Variants in SRFBP1 observed in about 807,000 individuals in gnomAD.
SRFBP1 encodes the protein serum response factor binding protein 1.
Under a neutral mutation model 45.5 loss-of-function variants are expected in SRFBP1, and 47 were observed. That is an observed-to-expected ratio of 1.03 (90% confidence interval 0.82 to 1.32). SRFBP1 has a LOEUF of 1.32. Ranked by LOEUF, SRFBP1 falls within the 40% of genes most tolerant of loss-of-function variation. The probability of loss-of-function intolerance (pLI) is 0.00; values close to 1 mark genes in which losing one functional copy is unlikely to be tolerated. For synonymous variants in SRFBP1, 203 were observed against 166.3 expected (o/e 1.22, Z -1.70); for missense variants, 621 against 484.6 (o/e 1.28, Z -2.64).
At chr5:122,042,069 T>C (rs1191396253) in intron 2 of SRFBP1, among the ~76,000 whole-genome samples, 12 of 152,198 alleles carry the variant, frequency 7.9e-5, no homozygotes, top group African/African-American at 2.9e-4. Context: ...TTTTTGTTGT[T>C]CTTTAAACAT....
chr5:121,985,287 A>G (rs1395490886), intron 3 of SRFBP1, among the ~76,000 whole-genome samples: 1 of 151,078 alleles, frequency 6.6e-6, no homozygotes, highest in Non-Finnish European at 1.5e-5. Context: ...AGGGTGAAAA[A>G]CTTTAATTTG....
At chr5:122,014,245 T>G (rs1434857397) in intron 4 of SRFBP1, among the ~76,000 whole-genome samples, 2 of 152,198 alleles carry the variant, frequency 1.3e-5, no homozygotes, top group African/African-American at 4.8e-5. Flanking sequence ...TAGCATTAAC[T>G]GTTATTCAGA....
At chr5:122,045,265 G>A (rs905886548) in intron 2 of SRFBP1, among the ~76,000 whole-genome samples, 1 of 152,162 alleles carries the variant, frequency 6.6e-6, no homozygotes, top group African/African-American at 2.4e-5. Flanking sequence ...TAGATCTGTA[G>A]TATAGTTTGA....
At chr5:121,976,877 A>T (rs562198763) in intron 3 of SRFBP1, among the ~76,000 whole-genome samples, 2 of 150,216 alleles carry the variant, frequency 1.3e-5, no homozygotes, top group African/African-American at 4.9e-5. Flanking sequence ...TATATATATA[A>T]AAAATATATA....
At chr5:122,024,151 A>G (rs1753419922) in intron 7 of SRFBP1, among the ~76,000 whole-genome samples, 2 of 152,196 alleles carry the variant, frequency 1.3e-5, no homozygotes, top group Admixed American at 6.5e-5. Flanking sequence ...TGCATTGTCA[A>G]GGACAGCCAG....
intron 4 of SRFBP1, among the ~76,000 whole-genome samples, chr5:121,996,060 T>C (rs1561584733): frequency 2.0e-5 from 3 of 151,136 alleles, no homozygotes; most frequent in African/African-American, 7.3e-5. Context: ...CCAGATGGAC[T>C]CACAGCCGAA....
chr5:122,031,721 A>T (rs1478595477), downstream of SRFBP1, among the ~76,000 whole-genome samples: 1 of 151,184 alleles, frequency 6.6e-6, no homozygotes, highest in East Asian at 1.9e-4. Context: ...CATAATAGCT[A>T]AAAAAAAAGA....
intron 1 of SRFBP1, among the ~76,000 whole-genome samples, chr5:121,962,447 T>C (rs1751968702): frequency 6.6e-6 from 1 of 152,230 alleles, no homozygotes. Flanking sequence ...ACACATTACC[T>C]GCTCTTTATT....
In SRFBP1 at chr5:122,020,661, C is replaced by T. The variant is rs1753296230; in HGVS notation, c.926C>T (p.Pro309Leu). The T allele has an allele frequency of 6.2e-7, 1 of 1,613,666 alleles. No individual in the cohort carries two copies. The highest frequency in any genetic ancestry group is 8.5e-7 in the Non-Finnish European group (1 of 1,179,924). The change falls in exon 6 of 8, where the codon CCA (proline) becomes CTA (leucine). Residue 309 changes from proline (P) to leucine (L), a missense_variant. By Grantham distance (98) the Pro-to-Leu change is moderately conservative. Transcript: ENST00000339397. Reference protein sequence around the residue: ...SCHSSVKEQKPLEKVFLKEDT... With the variant: ...SCHSSVKEQKLLEKVFLKEDT... ...CATTCTTCAGTTAAGGAACAAAAAC[C>T]ACTAGAAAAAGTGTTTCTTAAAGAA...
downstream of SRFBP1, among the ~76,000 whole-genome samples, chr5:122,030,287 A>C (rs78326815): frequency 5.1e-3 from 784 of 152,374 alleles, 19 homozygotes; most frequent in East Asian, 0.053. Context: ...TCTTGAATCT[A>C]AATCTTGATA....
At chr5:122,018,542 G>T (rs965088990) in intron 4 of SRFBP1, among the ~76,000 whole-genome samples, 2 of 152,184 alleles carry the variant, frequency 1.3e-5, no homozygotes, top group Admixed American at 6.5e-5. Flanking sequence ...AAGCAGATTT[G>T]TGAGGAAAAA....
intron 4 of SRFBP1, among the ~76,000 whole-genome samples, chr5:122,005,930 G>C (rs896244947): frequency 2.6e-5 from 4 of 152,110 alleles, no homozygotes; most frequent in Non-Finnish European, 4.4e-5. Flanking sequence ...AGATACAAGT[G>C]ATTTGCACAC....
In SRFBP1 at chr5:122,051,894, C is replaced by G. The variant is rs148769033; in HGVS notation, n.312-23421C>G. Among the ~76,000 whole-genome samples the G allele has an allele frequency of 5.3e-5, 8 of 152,110 alleles. No homozygotes were observed. The East Asian group carries it at 1.4e-3, about 26-fold the overall frequency. The stretch of plus-strand genomic sequence containing the variant: ...TGATTTTGTAGTAGCTGGTAACAGT[C>G]CTTTCCGTATCGAGCACTCCTTTTA... On this transcript the variant is annotated intron_variant and non_coding_transcript_variant, in intron 2 of 2. Coordinates refer to the SRFBP1 transcript ENST00000504881.
Position 122,026,341 on chromosome 5 carries a change from G to A in SRFBP1, c.1106-601G>A, listed in dbSNP as rs112371223. On this transcript the variant is annotated intron_variant, in intron 7 of 7. Coordinates refer to ENST00000339397, the MANE Select transcript of SRFBP1 (RefSeq NM_152546.3). Reference sequence around the variant, plus strand: ...TACTATATGGACTAGAATACAAGTTGCCACCTTCATATCTGGAGATTAATG... The same window carrying A: ...TACTATATGGACTAGAATACAAGTTACCACCTTCATATCTGGAGATTAATG... 6.6e-3 allele frequency among the ~76,000 whole-genome samples: 999 copies of A among 152,256 alleles called. 18 individuals carry two copies. The highest frequency in any genetic ancestry group is 0.023 in the African/African-American group (957 of 41,548).
chr5:122,062,907 T>C (rs1031622304), intron 2 of SRFBP1, among the ~76,000 whole-genome samples: 1 of 151,960 alleles, frequency 6.6e-6, no homozygotes, highest in African/African-American at 2.4e-5. Flanking sequence ...TAGTCAGATA[T>C]ATTTCTTGTA....
At chr5:122,069,862 A>T in intron 2 of SRFBP1, 1 of 599,734 alleles carries the variant, frequency 1.7e-6, no homozygotes, top group South Asian at 1.6e-5. Flanking sequence ...AAAACTAAAA[A>T]CCTTAGTACA....
downstream of SRFBP1, chr5:122,078,038 T>C: frequency 1.4e-6 from 2 of 1,415,860 alleles, no homozygotes; most frequent in South Asian, 3.5e-5. Flanking sequence ...TCACAGAAAA[T>C]AAAAACGGGG....
downstream of SRFBP1, among the ~76,000 whole-genome samples, chr5:122,029,395 C>A (rs1021579670): frequency 1.3e-5 from 2 of 151,976 alleles, no homozygotes; most frequent in African/African-American, 4.8e-5. Context: ...AGGCATAGTT[C>A]CACTTACTCC....
At chr5:122,048,266 T>G (rs528780727) in intron 2 of SRFBP1, among the ~76,000 whole-genome samples, 1 of 152,236 alleles carries the variant, frequency 6.6e-6, no homozygotes, top group Non-Finnish European at 1.5e-5. Context: ...GGTTGTTGAA[T>G]TTTCTCAGAG....
Sources: allele counts gnomAD v4.1 joint callset (sites outside exome capture counted in the v4.1 genomes callset), GRCh38; gene constraint gnomAD v4.1.1; transcripts MANE v1.5; gene names NCBI Gene and HGNC (gene_info 2026-07-23, HGNC 2026-07-21).